EXT1: variants seen among roughly 807,000 people sequenced by gnomAD.
EXT1 encodes exostosin glycosyltransferase 1.
Under a neutral mutation model 82.5 loss-of-function variants are expected in EXT1, and 20 were observed. The ratio of observed to expected loss-of-function variants is 0.24; its 90% CI spans 0.17 to 0.35. EXT1 has a LOEUF of 0.35. Among genes scored for constraint, EXT1 ranks in the 10% least tolerant of loss-of-function variants. The pLI is 1.00. For synonymous variants in EXT1, 348 were observed against 350.8 expected (o/e 0.99, Z 0.09); for missense variants, 757 against 936.5 (o/e 0.81, Z 2.50).
intron 1 of EXT1, among the ~76,000 whole-genome samples, chr8:118,012,265 G>A (rs1815914891): frequency 6.6e-6 from 1 of 152,258 alleles, no homozygotes; most frequent in Admixed American, 6.5e-5. Context: ...CTTGCTGAAA[G>A]TTTCCACTGC....
At chr8:117,858,758 A>AGGCAGGC (rs1563581987) in intron 1 of EXT1, among the ~76,000 whole-genome samples, 131 of 54,840 alleles carry the variant, frequency 2.4e-3, no homozygotes, top group Non-Finnish European at 3.6e-3. Flanking sequence ...GGAAGGAAGG[A>AGGCAGGC]AGGAAGGAAG....
intron 4 of EXT1, among the ~76,000 whole-genome samples, chr8:117,828,007 A>G (rs992854104): frequency 1.3e-5 from 2 of 152,024 alleles, no homozygotes; most frequent in East Asian, 3.9e-4. Context: ...ATGATATCAT[A>G]AATGGAATAT....
chr8:117,881,528 G>A (rs1813058557), intron 1 of EXT1, among the ~76,000 whole-genome samples: 1 of 152,126 alleles, frequency 6.6e-6, no homozygotes, highest in Non-Finnish European at 1.5e-5. Context: ...TCTTCCTAGT[G>A]ACACAGAAAT....
chr8:117,951,458 C>T (rs1814489819), intron 1 of EXT1, among the ~76,000 whole-genome samples: 1 of 152,194 alleles, frequency 6.6e-6, no homozygotes, highest in Non-Finnish European at 1.5e-5. Context: ...GAGATGTAAA[C>T]TTGATTCATG....
chr8:117,952,714 T>A (rs908986757), intron 1 of EXT1, among the ~76,000 whole-genome samples: 2 of 151,442 alleles, frequency 1.3e-5, no homozygotes, highest in Non-Finnish European at 1.5e-5. Context: ...TGAGCCAAGA[T>A]CATGCCAATG....
At chr8:117,945,026 G>T (rs1351445599) in intron 1 of EXT1, among the ~76,000 whole-genome samples, 1 of 152,184 alleles carries the variant, frequency 6.6e-6, no homozygotes, top group African/African-American at 2.4e-5. Flanking sequence ...GCCGGGCGCG[G>T]TGGTGGGCGC....
intron 1 of EXT1, among the ~76,000 whole-genome samples, chr8:118,068,725 A>C (rs1817033707): frequency 6.6e-6 from 1 of 152,230 alleles, no homozygotes; most frequent in South Asian, 2.1e-4. Context: ...ATTACAAAAA[A>C]CACATTCCAA....
At chr8:118,011,521 C>A (rs1048144101) in intron 1 of EXT1, among the ~76,000 whole-genome samples, 1 of 152,164 alleles carries the variant, frequency 6.6e-6, no homozygotes, top group African/African-American at 2.4e-5. Context: ...CCATGCCTGG[C>A]ATTTTATACA....
At chr8:117,829,410 T>G (rs1210070330) in intron 4 of EXT1, among the ~76,000 whole-genome samples, 1 of 152,132 alleles carries the variant, frequency 6.6e-6, no homozygotes, top group African/African-American at 2.4e-5. Flanking sequence ...GATTCTCCTC[T>G]TAACACAACT....
At chr8:117,853,510 TCAGAGCATTC>T (rs1304942881) in intron 1 of EXT1, among the ~76,000 whole-genome samples, 1 of 152,174 alleles carries the variant, frequency 6.6e-6, no homozygotes, top group East Asian at 1.9e-4. Flanking sequence ...GTTGATCATA[TCAGAGCATTC>T]CAGATTCCAC....
chr8:118,050,855 G>T (rs1403894706), intron 1 of EXT1, among the ~76,000 whole-genome samples: 1 of 152,176 alleles, frequency 6.6e-6, no homozygotes, highest in Non-Finnish European at 1.5e-5. Flanking sequence ...GAAGAAGAAA[G>T]ATGATATTGC....
chr8:118,032,812 C>A (rs1315875370), intron 1 of EXT1, among the ~76,000 whole-genome samples: 1 of 152,066 alleles, frequency 6.6e-6, no homozygotes, highest in Non-Finnish European at 1.5e-5. Flanking sequence ...GCCTGGCCAA[C>A]AATTTAAGTT....
intron 4 of EXT1, among the ~76,000 whole-genome samples, chr8:117,826,154 G>T (rs767087289): frequency 3.5e-4 from 54 of 152,202 alleles, no homozygotes; most frequent in Non-Finnish European, 6.0e-4. Context: ...CAGCATTAGA[G>T]AATTTCAATC....
Position 118,111,326 on chromosome 8 carries a change from C to G in EXT1, c.-280G>C. 1 of 597,446 alleles carries G rather than the reference C, an allele frequency of 1.7e-6. No homozygotes were observed. The highest frequency in any genetic ancestry group is 3.0e-6 in the Non-Finnish European group (1 of 337,150). The allele number at this position is 597,446 out of a possible 1,614,324, so 37.0% of individuals were successfully genotyped here. On this transcript the variant is annotated 5_prime_UTR_variant, in exon 1 of 11. Coordinates refer to ENST00000378204, the MANE Select transcript of EXT1 (RefSeq NM_000127.3). ...GCACCCAGGGCGGGCGAGCAGCGGA[C>G]TGTAATTTTCTTGCATGCAACAAGA... is the stretch of plus-strand genomic sequence containing the variant.
At chr8:117,830,709 G>A (rs112092816) in intron 3 of EXT1, among the ~76,000 whole-genome samples, 35 of 152,258 alleles carry the variant, frequency 2.3e-4, no homozygotes, top group South Asian at 2.1e-3. Context: ...TATAGGTCTT[G>A]GGGAAAGGCC....
intron 1 of EXT1, among the ~76,000 whole-genome samples, chr8:118,041,998 C>T (rs1816540842): frequency 6.6e-6 from 1 of 151,768 alleles, no homozygotes; most frequent in Non-Finnish European, 1.5e-5. Flanking sequence ...GCCAACATCA[C>T]ATCTGTCACC....
chr8:117,999,958 GTGTATA>G (rs1815625570), intron 1 of EXT1, among the ~76,000 whole-genome samples: 1 of 130,562 alleles, frequency 7.7e-6, no homozygotes, highest in South Asian at 2.5e-4. Context: ...ATGTATGTGC[GTGTATA>G]TATATATATG....
chr8:117,894,669 C>T (rs954746212), intron 1 of EXT1, among the ~76,000 whole-genome samples: 1 of 152,170 alleles, frequency 6.6e-6, no homozygotes, highest in Non-Finnish European at 1.5e-5. Flanking sequence ...TATGCCACAT[C>T]CTTCCAACCA....
intron 1 of EXT1, among the ~76,000 whole-genome samples, chr8:118,078,974 G>A (rs1817260957): frequency 6.6e-6 from 1 of 152,158 alleles, no homozygotes; most frequent in Non-Finnish European, 1.5e-5. Flanking sequence ...CATTAAAAGA[G>A]AAGTTATGAT....
Sources: allele counts gnomAD v4.1 joint callset (sites outside exome capture counted in the v4.1 genomes callset), GRCh38; gene constraint gnomAD v4.1.1; transcripts MANE v1.5; gene names NCBI Gene and HGNC (gene_info 2026-07-23, HGNC 2026-07-21).